The following NFIB variants were observed in gnomAD, a reference collection of about 807,000 sequenced individuals.
NFIB encodes nuclear factor I B.
In NFIB, 11 loss-of-function variants were observed where a neutral mutation model predicts 61.5. The observed-to-expected ratio is 0.18, with a 90% CI of 0.11 to 0.30. The LOEUF (loss-of-function observed/expected upper bound fraction) is 0.30, where lower values mean the gene tolerates loss of function less well. Among genes scored for constraint, NFIB ranks in the 10% least tolerant of loss-of-function variants. NFIB has a pLI of 1.00. For missense variants in NFIB, 471 were observed against 608.9 expected (o/e 0.77, Z 2.38); for synonymous variants, 260 against 216.5 (o/e 1.20, Z -1.76).
chr9:14,216,608 T>A (rs977279934), intron 2 of NFIB, among the ~76,000 whole-genome samples: 2 of 142,870 alleles, frequency 1.4e-5, no homozygotes, highest in African/African-American at 5.2e-5. Context: ...GACAAGGGGG[T>A]AAGCCCCTAC....
rs149095980 is a variant in NFIB at position 14,164,000 on chromosome 9, A to AAAAGAAG, written c.617-8114_617-8108dup. ...AACTATCTAAAAAGCAATGAAAAGAAAAAGAAGAAAGAAAGAAACCCATTA... is the reference window on the plus strand; with the variant it reads ...AACTATCTAAAAAGCAATGAAAAGAAAAAGAAGAAAGAAGAAAGAAAGAAACCCATTA... On this transcript the variant is annotated intron_variant, in intron 3 of 10. Transcript: ENST00000380953. 8.9e-3 allele frequency among the ~76,000 whole-genome samples: 1,359 copies of AAAAGAAG among 152,034 alleles called. 18 individuals carry two copies. The highest frequency in any genetic ancestry group is 0.03 in the African/African-American group (1,227 of 41,524).
chr9:14,351,339 G>T (rs1420487648), intron 1 of NFIB, among the ~76,000 whole-genome samples: 1 of 152,160 alleles, frequency 6.6e-6, no homozygotes, highest in Admixed American at 6.5e-5. Flanking sequence ...GCCTAGGGAG[G>T]CCTGGTCTCA....
At chr9:14,145,550 G>A (rs891850915) in intron 6 of NFIB, among the ~76,000 whole-genome samples, 1 of 151,950 alleles carries the variant, frequency 6.6e-6, no homozygotes, top group African/African-American at 2.4e-5. Flanking sequence ...TTAAGGCCCA[G>A]AGTTATGTGT....
rs767806393 is a variant in NFIB, at chr9:14,155,873, C to T, written c.637G>A (p.Val213Ile). The T allele has an allele frequency of 2.5e-6, 4 of 1,582,320 alleles. No individual in the cohort carries two copies. In the African/African-American group the frequency reaches 4.1e-5, roughly 16 times the overall value. The change falls in exon 4 of 11, where the codon GTA (valine) becomes ATA (isoleucine). Residue 213 changes from valine to isoleucine, a missense_variant. Transcript: ENST00000380953. ...NPPGYLEDSF[V>I]KSGVFNVSEL... is the part of the protein sequence containing the mutation. ...GATACATTGAAGACTCCAGATTTTACAAAACTATCCTCAAGGTAACCTGAA... is the reference window on the plus strand; with the variant it reads ...GATACATTGAAGACTCCAGATTTTATAAAACTATCCTCAAGGTAACCTGAA...
chr9:14,191,649 G>C (rs932104097), intron 2 of NFIB, among the ~76,000 whole-genome samples: 1 of 151,992 alleles, frequency 6.6e-6, no homozygotes, highest in African/African-American at 2.4e-5. Context: ...AAAAAATCAA[G>C]GTTCTGCATA....
chr9:14,253,481 A>C (rs2055880471), intron 2 of NFIB, among the ~76,000 whole-genome samples: 1 of 152,208 alleles, frequency 6.6e-6, no homozygotes, highest in African/African-American at 2.4e-5. Flanking sequence ...AAACTCCCAG[A>C]AGGAAAAAAG....
chr9:14,277,005 A>C (rs2058048378), intron 2 of NFIB, among the ~76,000 whole-genome samples: 1 of 152,146 alleles, frequency 6.6e-6, no homozygotes. Context: ...TCTTGTACTG[A>C]ACTGCTATTT....
At chr9:14,468,817 A>G in the NFIB span, among the ~76,000 whole-genome samples, 2 of 152,248 alleles carry the variant, frequency 1.3e-5, no homozygotes, top group East Asian at 3.8e-4. Flanking sequence ...ACTCACTGAT[A>G]GGTGAGGGAA....
At chr9:14,427,252 G>A in the NFIB span, among the ~76,000 whole-genome samples, 2 of 152,178 alleles carry the variant, frequency 1.3e-5, no homozygotes, top group Admixed American at 1.3e-4. Flanking sequence ...TTTATGTGTG[G>A]CATACAATAA....
chr9:14,332,800 C>A (rs371190794), intron 1 of NFIB, among the ~76,000 whole-genome samples: 1 of 152,004 alleles, frequency 6.6e-6, no homozygotes, highest in Non-Finnish European at 1.5e-5. Flanking sequence ...AGGAGAGAGA[C>A]GGATGGGGAG....
At chr9:14,162,284 A>C (rs1449876972) in intron 3 of NFIB, among the ~76,000 whole-genome samples, 1 of 152,026 alleles carries the variant, frequency 6.6e-6, no homozygotes, top group African/African-American at 2.4e-5. Flanking sequence ...GTACTCACTT[A>C]TTCCTAGTTT....
At chr9:14,237,989 A>G (rs1184449439) in intron 2 of NFIB, among the ~76,000 whole-genome samples, 4 of 151,982 alleles carry the variant, frequency 2.6e-5, no homozygotes, top group South Asian at 2.1e-4. Flanking sequence ...CAGTAAACCA[A>G]GAAACAAATG....
At chr9:14,297,102 A>AG (rs771257616) in intron 2 of NFIB, among the ~76,000 whole-genome samples, 9 of 152,204 alleles carry the variant, frequency 5.9e-5, no homozygotes, top group Non-Finnish European at 1.2e-4. Context: ...TCAACAGGTG[A>AG]GATCACCTTA....
chr9:14,474,516 C>T, the NFIB span, among the ~76,000 whole-genome samples: 1 of 152,158 alleles, frequency 6.6e-6, no homozygotes, highest in Non-Finnish European at 1.5e-5. Flanking sequence ...TTTATGTCCT[C>T]CCATTTGTTC....
Position 14,116,315 on chromosome 9 carries a change from A to G in NFIB, c.1277T>C (p.Val426Ala). 6.5e-7 allele frequency: 1 copy of G among 1,533,872 alleles called. No individual in the cohort carries two copies. The highest frequency in any genetic ancestry group is 1.2e-5 in the South Asian group (1 of 80,664). The change falls in exon 9 of 11, where the codon GTG (valine) becomes GCG (alanine). Residue 426 changes from valine (V) to alanine (A), a missense_variant. This residue lies in a region of NFIB where 372 missense variants were observed against 395.6 expected (regional missense o/e 0.94). Coordinates refer to ENST00000380953, the MANE Select transcript of NFIB (RefSeq NM_001190737.2). ...PNGSGQVVGKVPGHFTPVLAP... is the reference protein window; with the variant it reads ...PNGSGQVVGKAPGHFTPVLAP... Reference sequence around the variant, plus strand: ...CAAGACAGGAGTGAAATGGCCAGGCACTTTCCCTACTACTTGACCACTGCC... The same window carrying G: ...CAAGACAGGAGTGAAATGGCCAGGCGCTTTCCCTACTACTTGACCACTGCC...
the NFIB span, among the ~76,000 whole-genome samples, chr9:14,495,678 G>C: frequency 6.5e-4 from 99 of 152,142 alleles, 1 homozygote; most frequent in African/African-American, 2.2e-3. Flanking sequence ...CTTGAACCAA[G>C]ATGACCCTAA....
intron 2 of NFIB, among the ~76,000 whole-genome samples, chr9:14,201,708 A>G (rs1419489469): frequency 6.6e-6 from 1 of 152,154 alleles, no homozygotes; most frequent in African/African-American, 2.4e-5. Context: ...TTGGGAATCT[A>G]TTTAAATGGC....
At chr9:14,329,158 C>G (rs184958366) in intron 1 of NFIB, among the ~76,000 whole-genome samples, 1 of 152,296 alleles carries the variant, frequency 6.6e-6, no homozygotes, top group Admixed American at 6.5e-5. Flanking sequence ...ATCAAATGCT[C>G]TTCTTATAGA....
At chr9:14,445,696 T>C in the NFIB span, among the ~76,000 whole-genome samples, 24 of 152,210 alleles carry the variant, frequency 1.6e-4, no homozygotes, top group Non-Finnish European at 2.5e-4. Flanking sequence ...TTATGTTCTA[T>C]TCTTTTGGAG....
Sources: gnomAD v4.1 joint callset for allele counts (sites outside exome capture counted in the v4.1 genomes callset) on GRCh38, gnomAD v4.1.1 for gene constraint, gnomAD v4.1.1 regional missense constraint, MANE v1.5 for transcripts, NCBI Gene and HGNC (gene_info 2026-07-23, HGNC 2026-07-21) for gene names.